RADIL: variants seen among roughly 807,000 people sequenced by gnomAD.
RADIL encodes Rap associating with DIL domain.
Under a neutral mutation model 97.6 loss-of-function variants are expected in RADIL, and 99 were observed. That is an observed-to-expected ratio of 1.01 (90% CI 0.86 to 1.20). The LOEUF is 1.20. Ranked by LOEUF, RADIL falls within the 50% of genes most tolerant of loss-of-function variation. The pLI is 0.00. For synonymous variants in RADIL, 803 were observed against 691.8 expected (o/e 1.16, Z -2.52); for missense variants, 1,765 against 1,498.9 (o/e 1.18, Z -2.93).
Position 4,872,503 on chromosome 7 carries a change from C to T in RADIL, c.535+5102G>A, listed in dbSNP as rs150175992. On this transcript the variant is annotated intron_variant, in intron 2 of 14. Transcript: ENST00000399583. The surrounding 1 kb of genome is among the most constrained non-coding windows in gnomAD (Gnocchi z 5.8). ...ACCACATGGCCCTGTCATCGCCCCT[C>T]CCCAGTGCATCTAAGTGGCTGCTGT... 2.2e-4 allele frequency among the ~76,000 whole-genome samples: 34 copies of T among 152,270 alleles called. No individual in the cohort carries two copies. Among genetic ancestry groups the T allele is most frequent in the African/African-American group, 8.2e-4 (34 of 41,560 alleles).
intron 9 of RADIL, chr7:4,809,329 G>A (rs1030937848): frequency 3.0e-6 from 3 of 985,252 alleles, no homozygotes; most frequent in Non-Finnish European, 3.6e-6. Flanking sequence ...CCCTAGCCAG[G>A]AGAAGTCCTG....
chr7:4,811,409 G>A (rs931606966), intron 9 of RADIL: 5 of 146,862 alleles, frequency 3.4e-5, no homozygotes, highest in Non-Finnish European at 7.5e-5. Flanking sequence ...TATTACTGGT[G>A]TTTTAAAGTG....
Position 4,877,605 on chromosome 7 carries a change from C to G in RADIL, c.535G>C (p.Gly179Arg), listed in dbSNP as rs1200711886. Residue 179 changes from glycine (G) to arginine (R), a missense_variant and splice_region_variant, in exon 2 of 15, where the codon GGG (glycine) becomes CGG (arginine). Physicochemically the swap from Gly to Arg is moderately radical, Grantham distance 125. Transcript: ENST00000399583. ...AAKEVDTITA[G>R]INAQARRLQR... ...TTCCTGAACCTGTGGCCCCCCTCACCTGCCGTGATGGTGTCCACCTCCTTG... is the reference window on the plus strand; with the variant it reads ...TTCCTGAACCTGTGGCCCCCCTCACGTGCCGTGATGGTGTCCACCTCCTTG... 1 of 1,588,894 alleles carries G rather than the reference C, an allele frequency of 6.3e-7. No homozygotes were observed. Among genetic ancestry groups the G allele is most frequent in the Admixed American group, 1.8e-5 (1 of 56,722 alleles).
At chr7:4,816,801 C>T (rs1367870733) in intron 7 of RADIL, among the ~76,000 whole-genome samples, 2 of 152,102 alleles carry the variant, frequency 1.3e-5, no homozygotes, top group South Asian at 4.1e-4. Context: ...GGGAGAGTCA[C>T]CACTCCCCCA....
intron 13 of RADIL, 47 bp downstream of exon 13, chr7:4,800,124 G>T (rs752524768): frequency 5.1e-6 from 8 of 1,573,002 alleles, no homozygotes; most frequent in Non-Finnish European, 6.0e-6. Flanking sequence ...AACAGGCGGG[G>T]CCAGGCAGCC....
intron 2 of RADIL, chr7:4,860,916 GCAAATTAA>G: frequency 6.2e-7 from 1 of 1,614,186 alleles, no homozygotes; most frequent in Middle Eastern, 1.6e-4. Context: ...TCCCATACAG[GCAAATTAA>G]GATTCCGTTC....
At chr7:4,870,577 G>T (rs1389247141) in intron 2 of RADIL, among the ~76,000 whole-genome samples, 2 of 152,156 alleles carry the variant, frequency 1.3e-5, no homozygotes, top group East Asian at 3.8e-4. Context: ...AAGTAGCTGG[G>T]ATTACAGGTG....
intron 5 of RADIL, among the ~76,000 whole-genome samples, chr7:4,826,872 G>A (rs564830226): frequency 3.3e-5 from 5 of 152,164 alleles, no homozygotes; most frequent in South Asian, 4.1e-4. Context: ...TAAATAATTC[G>A]ACTTGCCCAT....
rs1782802077 is a variant in RADIL, at chr7:4,820,533, C to T, written c.1615+1861G>A. On this transcript the variant is annotated intron_variant, in intron 6 of 14. Coordinates refer to ENST00000399583, the MANE Select transcript of RADIL (RefSeq NM_018059.5). ...GCCCACCAAGGCCAGGAGGGGTTGA[C>T]ACTACCCCCACATATTGAAGGCAGC... 3.9e-5 allele frequency among the ~76,000 whole-genome samples: 6 copies of T among 152,230 alleles called. No homozygotes were observed. The South Asian group carries it at 8.3e-4, about 21-fold the overall frequency.
At chr7:4,828,103 G>T (rs1402224872) in intron 5 of RADIL, among the ~76,000 whole-genome samples, 1 of 152,202 alleles carries the variant, frequency 6.6e-6, no homozygotes, top group Non-Finnish European at 1.5e-5. Flanking sequence ...ACTGCACGCT[G>T]TTGGTGGGGA....
In RADIL at chr7:4,842,529, C is replaced by T. The variant is rs998467219; in HGVS notation, c.536-5924G>A. 1.3e-5 allele frequency among the ~76,000 whole-genome samples: 2 copies of T among 152,216 alleles called. No individual in the cohort carries two copies. The highest frequency in any genetic ancestry group is 4.8e-5 in the African/African-American group (2 of 41,544). ...CAGGGCTCTGCGTGCCGGGGGTGCA[C>T]AGGGAAACTGGACAAGCAGCTGGTG... On this transcript the variant is annotated intron_variant, in intron 2 of 14. Transcript: ENST00000399583. The surrounding 1 kb of genome is among the most constrained non-coding windows in gnomAD (Gnocchi z 4.5).
rs1019907512 is a variant in RADIL at position 4,842,269 on chromosome 7, C to A, written c.536-5664G>T. ...CTTCTTCTACTCTCACAGCAGAGGC[C>A]GTAAGGAAAGGAGGGCTGAGCTCCA... On this transcript the variant is annotated intron_variant, in intron 2 of 14. Coordinates refer to ENST00000399583, the MANE Select transcript of RADIL (RefSeq NM_018059.5). The surrounding 1 kb of genome is among the most constrained non-coding windows in gnomAD (Gnocchi z 4.5). 6.6e-6 allele frequency among the ~76,000 whole-genome samples: 1 copy of A among 152,058 alleles called. No individual in the cohort carries two copies.
At position 4,816,428 on chromosome 7, in the gene RADIL, G is replaced by A. The variant is rs1381207555; in HGVS notation, c.1766C>T (p.Pro589Leu). 15 of 1,607,600 alleles carry A rather than the reference G, an allele frequency of 9.3e-6. No individual in the cohort carries two copies. The highest frequency in any genetic ancestry group is 1.7e-5 in the Admixed American group (1 of 59,134). The change falls in exon 8 of 15, where the codon CCG (proline) becomes CTG (leucine). Residue 589 changes from proline to leucine, a missense_variant. Coordinates refer to ENST00000399583, the MANE Select transcript of RADIL (RefSeq NM_018059.5). ...CTCACGGCGCTCCGTCTGGAATGGC[G>A]GGCACTCCAGGAGTGCCGGGAGGCA... ...YICLPALLECPPFQTERRESW... is the reference protein window; with the variant it reads ...YICLPALLECLPFQTERRESW...
chr7:4,823,019 T>C (rs1363632545), intron 5 of RADIL, among the ~76,000 whole-genome samples: 5 of 152,172 alleles, frequency 3.3e-5, no homozygotes, highest in African/African-American at 1.2e-4. Context: ...TAAACAATAA[T>C]AGAGCTATTT....
At chr7:4,870,851 C>G (rs1014068504) in intron 2 of RADIL, among the ~76,000 whole-genome samples, 1 of 152,176 alleles carries the variant, frequency 6.6e-6, no homozygotes, top group Admixed American at 6.5e-5. Flanking sequence ...CTGGACGTCA[C>G]CCGAGTCCCC....
At position 4,873,468 on chromosome 7, in the gene RADIL, A is replaced by T. The variant is rs1026969743; in HGVS notation, c.535+4137T>A. 6.6e-6 allele frequency among the ~76,000 whole-genome samples: 1 copy of T among 152,152 alleles called. No homozygotes were observed. Among genetic ancestry groups the T allele is most frequent in the Non-Finnish European group, 1.5e-5 (1 of 68,022 alleles). On this transcript the variant is annotated intron_variant, in intron 2 of 14. Transcript: ENST00000399583. The surrounding 1 kb of genome is among the most constrained non-coding windows in gnomAD (Gnocchi z 4.3). Reference sequence around the variant, plus strand: ...TTTTTCCAGGTGAGATCGAACTGTTATCTCACCAGGGATCAGGGACAGCCC... The same window carrying T: ...TTTTTCCAGGTGAGATCGAACTGTTTTCTCACCAGGGATCAGGGACAGCCC...
intron 2 of RADIL, chr7:4,861,857 T>TTCACGTCCCCCACCACCGCGACCG: frequency 7.5e-6 from 10 of 1,324,908 alleles, no homozygotes; most frequent in South Asian, 1.8e-5. Context: ...CACCGCGACC[T>TTCACGTCCCCCACCACCGCGACCG]TCGCGGCCGC....
chr7:4,861,338 A>G (rs376788034), intron 2 of RADIL: 5 of 1,614,054 alleles, frequency 3.1e-6, no homozygotes, highest in Non-Finnish European at 3.4e-6. Context: ...ACACAGTTTG[A>G]TAACTGGCAC....
rs1562423067 is a variant in RADIL, at chr7:4,799,712, C to CGGGGCTGCCCGGGAGCA, written c.3023_3039dup (p.Ala1014CysfsTer22). ...AGCGACAGGCGCCCGTCGGCCGCTG[C>CGGGGCTGCCCGGGAGCA]GGGGCTGCCCGGGAGCAGGGTCTGG... On this transcript the variant is annotated frameshift_variant, in exon 14 of 15. Coordinates refer to ENST00000399583, the MANE Select transcript of RADIL (RefSeq NM_018059.5). LOFTEE classifies it high-confidence loss of function. 3 of 1,566,976 alleles carry CGGGGCTGCCCGGGAGCA rather than the reference C, an allele frequency of 1.9e-6. No individual in the cohort carries two copies. Among genetic ancestry groups the CGGGGCTGCCCGGGAGCA allele is most frequent in the Non-Finnish European group, 8.6e-7 (1 of 1,158,786 alleles).
Sources: gnomAD v4.1 joint callset for allele counts (sites outside exome capture counted in the v4.1 genomes callset) on GRCh38, gnomAD v4.1.1 for gene constraint, Gnocchi (gnomAD v3.1) non-coding constraint, MANE v1.5 for transcripts, NCBI Gene and HGNC (gene_info 2026-07-23, HGNC 2026-07-21) for gene names.